The following ERBB4 variants were observed in gnomAD, a reference collection of about 807,000 sequenced individuals.
The protein encoded by ERBB4 is erb-b2 receptor tyrosine kinase 4, also known as receptor tyrosine-protein kinase erbB-4.
Under a neutral mutation model 158.0 loss-of-function variants are expected in ERBB4, and 42 were observed. The ratio of observed to expected loss-of-function variants is 0.27; its 90% CI spans 0.21 to 0.34. ERBB4 has a LOEUF of 0.34. Ranked by LOEUF, ERBB4 falls within the 10% of genes least tolerant of loss-of-function variation. The probability of loss-of-function intolerance (pLI) is 1.00; values close to 1 mark genes in which losing one functional copy is unlikely to be tolerated. For synonymous variants in ERBB4, 583 were observed against 558.7 expected, an observed-to-expected ratio of 1.04 and a Z score of -0.61; for missense variants, 1,333 against 1,624.1, an observed-to-expected ratio of 0.82 and a Z score of 3.08.
intron 2 of ERBB4, among the ~76,000 whole-genome samples, chr2:211,961,372 T>C (rs1469359355): frequency 6.6e-6 from 1 of 152,128 alleles, no homozygotes; most frequent in Non-Finnish European, 1.5e-5. Context: ...AAGCTCAGAG[T>C]TCTGCAACTG....
intron 3 of ERBB4, among the ~76,000 whole-genome samples, chr2:211,853,059 C>T (rs1032023916): frequency 1.3e-5 from 2 of 151,900 alleles, no homozygotes; most frequent in African/African-American, 4.8e-5. Flanking sequence ...TGCTGTCATC[C>T]CTTTCTGTGC....
chr2:211,421,836 A>G (rs899377180), intron 24 of ERBB4, among the ~76,000 whole-genome samples, 171 bp downstream of exon 24: 2 of 151,998 alleles, frequency 1.3e-5, no homozygotes, highest in Admixed American at 1.3e-4. Flanking sequence ...TAAAAGGTGG[A>G]TCTGACGTGA....
intron 5 of ERBB4, among the ~76,000 whole-genome samples, chr2:211,748,046 T>C (rs772455882): frequency 2.0e-5 from 3 of 151,690 alleles, no homozygotes; most frequent in South Asian, 2.1e-4. Context: ...TTATAATATA[T>C]AGTTTTTTAT....
At chr2:212,535,710 T>G (rs11892661) in intron 1 of ERBB4, among the ~76,000 whole-genome samples, 24,531 of 152,148 alleles carry the variant, frequency 0.16, 2,509 homozygotes, top group Non-Finnish European at 0.23. Context: ...TCTAGATATA[T>G]CTAAATAAAA....
chr2:211,564,866 A>G (rs2067502575), intron 19 of ERBB4, among the ~76,000 whole-genome samples: 1 of 152,252 alleles, frequency 6.6e-6, no homozygotes, highest in African/African-American at 2.4e-5. Flanking sequence ...GATGGAATTG[A>G]TAGAATGCCT....
intron 1 of ERBB4, among the ~76,000 whole-genome samples, chr2:212,284,254 C>CT (rs1340473034): frequency 1.3e-5 from 2 of 151,976 alleles, no homozygotes; most frequent in East Asian, 3.9e-4. Flanking sequence ...CACAAAAGAT[C>CT]TTTTTTCTGT....
At chr2:212,476,951 T>A (rs993378715) in intron 1 of ERBB4, among the ~76,000 whole-genome samples, 15 of 152,146 alleles carry the variant, frequency 9.9e-5, no homozygotes, top group Non-Finnish European at 2.1e-4. Context: ...GTTCTTTTCA[T>A]AATGGCCTTT....
In ERBB4 at chr2:211,430,983, C is replaced by T. The variant is rs775232357; in HGVS notation, c.2605G>A (p.Glu869Lys). 1 of 1,613,894 alleles carries T rather than the reference C, an allele frequency of 6.2e-7. No individual in the cohort carries two copies. The highest frequency in any genetic ancestry group is 1.1e-5 in the South Asian group (1 of 91,074). ...ITDFGLARLL[E>K]GDEKEYNADG... is the part of the protein sequence containing the mutation. ...GCATTGTACTCTTTTTCATCTCCTTCCAAGAGTCTGGCTAGCCCAAAATCT... is the reference window on the plus strand; with the variant it reads ...GCATTGTACTCTTTTTCATCTCCTTTCAAGAGTCTGGCTAGCCCAAAATCT... Residue 869 changes from glutamate to lysine, a missense_variant, in exon 21 of 28, where the codon GAA (glutamate) becomes AAA (lysine). This residue lies in a region of ERBB4 where 314 missense variants were observed against 437.6 expected (regional missense o/e 0.72). Coordinates refer to ENST00000342788, the MANE Select transcript of ERBB4 (RefSeq NM_005235.3).
chr2:212,473,294 A>C (rs899571072), intron 1 of ERBB4, among the ~76,000 whole-genome samples: 1 of 152,066 alleles, frequency 6.6e-6, no homozygotes, highest in Non-Finnish European at 1.5e-5. Context: ...TGGGAAAATA[A>C]GATGACTACT....
At chr2:211,855,195 C>T (rs568719852) in intron 3 of ERBB4, among the ~76,000 whole-genome samples, 3 of 152,158 alleles carry the variant, frequency 2.0e-5, no homozygotes, top group East Asian at 3.9e-4. Context: ...ATTGAGTTAC[C>T]TGTCTTTGCC....
intron 2 of ERBB4, among the ~76,000 whole-genome samples, chr2:211,984,022 A>G (rs531576279): frequency 6.6e-6 from 1 of 152,326 alleles, no homozygotes; most frequent in Non-Finnish European, 1.5e-5. Flanking sequence ...TGCACTGCTC[A>G]TAGTTTTGTA....
At chr2:212,050,318 T>C (rs773846701) in intron 2 of ERBB4, among the ~76,000 whole-genome samples, 3 of 152,204 alleles carry the variant, frequency 2.0e-5, no homozygotes, top group Non-Finnish European at 4.4e-5. Flanking sequence ...AATGCACACA[T>C]CTTAATGCAC....
chr2:211,724,364 A>G (rs1298657325), intron 6 of ERBB4, among the ~76,000 whole-genome samples: 1 of 151,678 alleles, frequency 6.6e-6, no homozygotes, highest in Non-Finnish European at 1.5e-5. Context: ...TTTTTTTTAA[A>G]AAAAGCTCAA....
chr2:212,247,576 C>T (rs577406131), intron 1 of ERBB4, among the ~76,000 whole-genome samples: 3 of 152,272 alleles, frequency 2.0e-5, no homozygotes, highest in African/African-American at 7.2e-5. Context: ...GAGCCTTCAA[C>T]ATACATTCAA....
At chr2:211,537,438 T>C (rs778658390) in intron 20 of ERBB4, among the ~76,000 whole-genome samples, 24 of 151,912 alleles carry the variant, frequency 1.6e-4, no homozygotes, top group Non-Finnish European at 2.5e-4. Context: ...ATGAGAGAGG[T>C]AGGAATATAA....
At chr2:211,971,965 A>C (rs1674012531) in intron 2 of ERBB4, among the ~76,000 whole-genome samples, 1 of 152,198 alleles carries the variant, frequency 6.6e-6, no homozygotes, top group African/African-American at 2.4e-5. Flanking sequence ...AAAGAGAGGA[A>C]GTCAAACTAC....
intron 19 of ERBB4, among the ~76,000 whole-genome samples, chr2:211,576,559 G>A (rs1214347403): frequency 6.6e-6 from 1 of 152,058 alleles, no homozygotes; most frequent in Non-Finnish European, 1.5e-5. Context: ...AATGTTTGCA[G>A]GAAATAACTA....
chr2:212,375,030 C>T (rs1296536383), intron 1 of ERBB4, among the ~76,000 whole-genome samples: 1 of 151,868 alleles, frequency 6.6e-6, no homozygotes, highest in Non-Finnish European at 1.5e-5. Context: ...ATATATTGAC[C>T]TGCAACATAA....
At chr2:211,692,559 A>G (rs1402733513) in intron 12 of ERBB4, among the ~76,000 whole-genome samples, 3 of 152,064 alleles carry the variant, frequency 2.0e-5, no homozygotes, top group African/African-American at 2.4e-5. Context: ...CCAGGAGAGA[A>G]TTTGTTCCTT....
Sources: gnomAD v4.1 joint callset for allele counts (sites outside exome capture counted in the v4.1 genomes callset) on GRCh38, gnomAD v4.1.1 for gene constraint, gnomAD v4.1.1 regional missense constraint, MANE v1.5 for transcripts, NCBI Gene and HGNC (gene_info 2026-07-23, HGNC 2026-07-21) for gene names.